FRMD5: variants seen among roughly 807,000 people sequenced by gnomAD.
FRMD5 encodes the protein FERM domain containing 5.
Under a neutral mutation model 69.0 loss-of-function variants are expected in FRMD5, and 20 were observed. The observed-to-expected ratio is 0.29, with a 90% CI of 0.20 to 0.42. The LOEUF (loss-of-function observed/expected upper bound fraction) is 0.42. Ranked by LOEUF, FRMD5 falls within the 10% of genes least tolerant of loss-of-function variation. The pLI, the probability that FRMD5 is intolerant of heterozygous loss-of-function variation, is 1.00. For synonymous variants in FRMD5, 271 were observed against 260.1 expected, an observed-to-expected ratio of 1.04 and a Z score of -0.40; for missense variants, 595 against 708.6, an observed-to-expected ratio of 0.84 and a Z score of 1.82.
At chr15:44,149,036 C>T (rs941260347) in intron 1 of FRMD5, among the ~76,000 whole-genome samples, 2 of 151,988 alleles carry the variant, frequency 1.3e-5, no homozygotes, top group African/African-American at 4.8e-5. Flanking sequence ...ATTTTGTTTT[C>T]TACATAATTT....
intron 1 of FRMD5, among the ~76,000 whole-genome samples, chr15:44,140,597 G>T (rs2077255632): frequency 6.6e-6 from 1 of 151,928 alleles, no homozygotes; most frequent in Non-Finnish European, 1.5e-5. Flanking sequence ...ATCCAAGAAA[G>T]GCCAGGCACA....
At chr15:44,096,950 C>T (rs1226812074) in intron 1 of FRMD5, among the ~76,000 whole-genome samples, 3 of 152,074 alleles carry the variant, frequency 2.0e-5, no homozygotes, top group Non-Finnish European at 4.4e-5. Context: ...CTTATTGATG[C>T]TTCATACAAA....
At chr15:43,905,733 A>C in intron 6 of FRMD5, 95 bp downstream of exon 6, 1 of 1,490,932 alleles carries the variant, frequency 6.7e-7, no homozygotes, top group Non-Finnish European at 9.3e-7. Context: ...CTGTGTCAGT[A>C]AACAGTCTGC....
At position 44,018,312 on chromosome 15, in the gene FRMD5, CTGTT is replaced by C. The variant is rs1272442576; in HGVS notation, c.103-94007_103-94004del. Among the ~76,000 whole-genome samples the C allele has an allele frequency of 3.3e-5, 5 of 152,290 alleles. No individual in the cohort carries two copies. In the East Asian group the frequency reaches 9.6e-4, roughly 29 times the overall value. ...GAACAGTTAAGCAGTATACACCAAT[CTGTT>C]TGTTTCATGCCTCAGTGGGATTTAG... On this transcript the variant is annotated intron_variant, in intron 1 of 13. Coordinates refer to ENST00000417257, the MANE Select transcript of FRMD5 (RefSeq NM_032892.5).
chr15:44,125,323 A>T (rs1214193631), intron 1 of FRMD5, among the ~76,000 whole-genome samples: 1 of 151,996 alleles, frequency 6.6e-6, no homozygotes, highest in Non-Finnish European at 1.5e-5. Flanking sequence ...TAATAATAAT[A>T]ATTTACTATT....
At chr15:44,187,109 T>C (rs535933850) in intron 1 of FRMD5, among the ~76,000 whole-genome samples, 63 of 152,310 alleles carry the variant, frequency 4.1e-4, no homozygotes, top group African/African-American at 1.5e-3. Context: ...ATCGGCTAAA[T>C]GTTACAATTT....
At chr15:44,003,099 C>G (rs1353417458) in intron 1 of FRMD5, among the ~76,000 whole-genome samples, 1 of 152,166 alleles carries the variant, frequency 6.6e-6, no homozygotes, top group Non-Finnish European at 1.5e-5. Context: ...TCTAGTTGCT[C>G]AGATAAAAAA....
At position 44,174,672 on chromosome 15, in the gene FRMD5, T is replaced by C. The variant is rs2077862836; in HGVS notation, c.102+20281A>G. On this transcript the variant is annotated intron_variant, in intron 1 of 13. Coordinates refer to ENST00000417257, the MANE Select transcript of FRMD5 (RefSeq NM_032892.5). ...TATTTATGACTTCAACAAATCTTGG[T>C]CAGAAGAGTTTTTATCATAATTCTT... is the stretch of plus-strand genomic sequence containing the variant. Among the ~76,000 whole-genome samples the C allele has an allele frequency of 2.6e-5, 4 of 152,192 alleles. No homozygotes were observed. In the South Asian group the frequency reaches 8.3e-4, roughly 32 times the overall value.
intron 1 of FRMD5, among the ~76,000 whole-genome samples, chr15:44,060,325 C>A (rs1893040196): frequency 6.6e-6 from 1 of 152,134 alleles, no homozygotes; most frequent in Non-Finnish European, 1.5e-5. Context: ...TAGGTGGATA[C>A]CCAGAAGCGT....
intron 1 of FRMD5, among the ~76,000 whole-genome samples, chr15:44,098,337 C>T (rs2076585971): frequency 6.6e-6 from 1 of 151,914 alleles, no homozygotes; most frequent in Non-Finnish European, 1.5e-5. Context: ...CCATCCTAAC[C>T]AACATGGTGA....
chr15:43,934,028 T>A (rs1204586362), intron 1 of FRMD5, among the ~76,000 whole-genome samples: 1 of 152,198 alleles, frequency 6.6e-6, no homozygotes, highest in Non-Finnish European at 1.5e-5. Context: ...CAGTACCTCA[T>A]CCTGCTGTCT....
At position 43,987,885 on chromosome 15, in the gene FRMD5, T is replaced by C. The variant is rs116230366; in HGVS notation, c.103-63576A>G. 2.5e-3 allele frequency among the ~76,000 whole-genome samples: 386 copies of C among 152,290 alleles called. 2 individuals carry two copies. The highest frequency in any genetic ancestry group is 9.2e-3 in the African/African-American group (381 of 41,546). On this transcript the variant is annotated intron_variant, in intron 1 of 13. Transcript: ENST00000417257. ...ATTGTAATATATAATGAAATAATTA[T>C]AAATTCACCATAATGTAGAATCAGT...
rs149410002 is a variant in FRMD5, at chr15:43,895,919, C to T, written c.640-3850G>A. Among the ~76,000 whole-genome samples, 1,398 of 152,240 alleles carry T rather than the reference C, an allele frequency of 9.2e-3. 5 individuals carry two copies. Among genetic ancestry groups the T allele is most frequent in the Middle Eastern group, 0.031 (9 of 294 alleles). On this transcript the variant is annotated intron_variant, in intron 7 of 13. Coordinates refer to ENST00000417257, the MANE Select transcript of FRMD5 (RefSeq NM_032892.5). ...CTTGTCATTCTTGTTGTGAGCCTGC[C>T]GTTGGAGTTTGTGTGCAAAATAACA...
At chr15:44,169,041 T>C (rs930474493) in intron 1 of FRMD5, among the ~76,000 whole-genome samples, 4 of 152,244 alleles carry the variant, frequency 2.6e-5, no homozygotes, top group Non-Finnish European at 4.4e-5. Context: ...CAATCATTGG[T>C]CACAGGCCCT....
At chr15:43,963,313 T>C (rs1176904277) in intron 1 of FRMD5, among the ~76,000 whole-genome samples, 1 of 152,176 alleles carries the variant, frequency 6.6e-6, no homozygotes, top group Non-Finnish European at 1.5e-5. Context: ...AAAATGCTCA[T>C]CATCACTGGC....
intron 1 of FRMD5, among the ~76,000 whole-genome samples, chr15:44,055,024 C>T (rs1892814428): frequency 6.7e-6 from 1 of 148,360 alleles, no homozygotes; most frequent in African/African-American, 2.5e-5. Flanking sequence ...GAGCTGAGAT[C>T]GCACCATTGT....
At chr15:43,902,082 G>T in intron 7 of FRMD5, 93 bp downstream of exon 7, 1 of 875,396 alleles carries the variant, frequency 1.1e-6, no homozygotes, top group Non-Finnish European at 1.9e-6. Flanking sequence ...TGTAAACGTT[G>T]AAGGGGGCCT....
intron 1 of FRMD5, among the ~76,000 whole-genome samples, chr15:44,069,595 A>T (rs1893447791): frequency 6.6e-6 from 1 of 152,196 alleles, no homozygotes; most frequent in South Asian, 2.1e-4. Flanking sequence ...AATTTATATG[A>T]CATTCTTGAG....
chr15:44,053,707 G>T (rs193301900), intron 1 of FRMD5, among the ~76,000 whole-genome samples: 1 of 152,294 alleles, frequency 6.6e-6, no homozygotes, highest in African/African-American at 2.4e-5. Context: ...AGAGGACCAG[G>T]TTTGATAGGG....
Sources: gnomAD v4.1 joint callset for allele counts (sites outside exome capture counted in the v4.1 genomes callset) on GRCh38, gnomAD v4.1.1 for gene constraint, MANE v1.5 for transcripts, NCBI Gene and HGNC (gene_info 2026-07-23, HGNC 2026-07-21) for gene names.